Variants in MYH14 observed in about 807,000 individuals in gnomAD.
The protein encoded by MYH14 is myosin heavy chain 14, also known as myosin-14.
A neutral mutation model predicts 255.5 loss-of-function variants in MYH14; 123 were observed. That is an observed-to-expected ratio of 0.48 (90% CI 0.42 to 0.56). MYH14 has a LOEUF of 0.56. MYH14 is among the 20% of genes least tolerant of loss of function. The pLI, the probability that MYH14 is intolerant of heterozygous loss-of-function variation, is 0.00. For synonymous variants in MYH14, 1,095 were observed against 1,161.2 expected, an observed-to-expected ratio of 0.94 and a Z score of 1.16; for missense variants, 2,423 against 2,802.3, an observed-to-expected ratio of 0.86 and a Z score of 3.06.
Position 50,226,894 on chromosome 19 carries a change from C to T in MYH14, c.811-9C>T. On this transcript the variant is annotated splice_polypyrimidine_tract_variant and intron_variant, in intron 7 of 42. Coordinates refer to ENST00000642316, the MANE Select transcript of MYH14 (RefSeq NM_001145809.2). ...TCTGCTGAAGCCCACCCACTTTGGT[C>T]TCTCCCAGGGCAAATTCATCCGCAT... 6.2e-7 allele frequency: 1 copy of T among 1,613,682 alleles called. No individual in the cohort carries two copies. The highest frequency in any genetic ancestry group is 1.1e-5 in the South Asian group (1 of 91,078).
At chr19:50,238,563 C>T (rs1397733686) in intron 10 of MYH14, among the ~76,000 whole-genome samples, 1 of 151,974 alleles carries the variant, frequency 6.6e-6, no homozygotes, top group Non-Finnish European at 1.5e-5. Context: ...GCAATTCTCC[C>T]ATTTCAGCCT....
intron 39 of MYH14, among the ~76,000 whole-genome samples, chr19:50,298,285 G>A (rs2036350339): frequency 6.6e-6 from 1 of 152,120 alleles, no homozygotes; most frequent in African/African-American, 2.4e-5. Flanking sequence ...TTGTGCAGGT[G>A]AAAGAGGGGG....
chr19:50,242,072 G>C (rs1354730765), intron 10 of MYH14, among the ~76,000 whole-genome samples: 4 of 152,134 alleles, frequency 2.6e-5, no homozygotes, highest in African/African-American at 9.7e-5. Context: ...AAATGTCCAG[G>C]GGGCCATTTT....
At chr19:50,204,621 G>A (rs566820279) in intron 1 of MYH14, among the ~76,000 whole-genome samples, 8 of 152,204 alleles carry the variant, frequency 5.3e-5, no homozygotes, top group Non-Finnish European at 1.2e-4. Flanking sequence ...TAGGCCGGGC[G>A]CAGTGGCTCA....
intron 10 of MYH14, among the ~76,000 whole-genome samples, chr19:50,241,456 C>CATCAGATG (rs1439644255): frequency 1.3e-5 from 2 of 151,884 alleles, no homozygotes; most frequent in Admixed American, 6.6e-5. Flanking sequence ...AAAGAAAAAG[C>CATCAGATG]ATCAGATGCA....
chr19:50,212,688 T>G (rs1329867604), intron 2 of MYH14, among the ~76,000 whole-genome samples: 1 of 152,198 alleles, frequency 6.6e-6, no homozygotes, highest in African/African-American at 2.4e-5. Flanking sequence ...CCACTCCTAC[T>G]TGGAGATCGA....
intron 2 of MYH14, among the ~76,000 whole-genome samples, chr19:50,216,472 C>T (rs964060758): frequency 6.6e-6 from 1 of 152,024 alleles, no homozygotes; most frequent in African/African-American, 2.4e-5. Context: ...AGTGGATTGA[C>T]ACACACTTGT....
intron 6 of MYH14, chr19:50,224,892 G>A (rs2033017933): frequency 2.2e-6 from 1 of 455,586 alleles, no homozygotes; most frequent in African/African-American, 2.0e-5. Context: ...ATTGCTTGAG[G>A]CCAGGAGTTC....
At chr19:50,257,607 C>A (rs2034641492) in intron 18 of MYH14, 121 bp downstream of exon 18, 2 of 989,592 alleles carry the variant, frequency 2.0e-6, no homozygotes, top group Non-Finnish European at 3.1e-6. Context: ...TGGCTTTGAG[C>A]AAATTGCTTC....
intron 5 of MYH14, 90 bp from the exon 6 acceptor site, chr19:50,224,064 A>ACCCCCCCCCC: frequency 4.8e-6 from 2 of 419,910 alleles, no homozygotes; most frequent in Non-Finnish European, 7.3e-6. Context: ...CCCCCATGCC[A>ACCCCCCCCCC]CCACCTGAGA....
chr19:50,246,300 C>T (rs79251604), intron 11 of MYH14, among the ~76,000 whole-genome samples: 1,544 of 152,026 alleles, frequency 0.01, 30 homozygotes, highest in African/African-American at 0.034. Flanking sequence ...ACCACCATGT[C>T]GGGCTAATTT....
chr19:50,281,990 C>G, intron 33 of MYH14, 148 bp downstream of exon 33: 1 of 841,152 alleles, frequency 1.2e-6, no homozygotes, highest in Non-Finnish European at 1.8e-6. Flanking sequence ...TTGCTCTGGG[C>G]CTCTGTAAAA....
In MYH14 at chr19:50,210,526, G is replaced by A. The variant is rs1005939347; in HGVS notation, c.161G>A (p.Arg54His). Residue 54 changes from arginine to histidine, a missense_variant, in exon 2 of 43, where the codon CGT becomes CAT. Around this residue, in one of 3 missense-constraint regions of MYH14, gnomAD observed 238 missense variants for 245.8 expected, o/e 0.97. Coordinates refer to ENST00000642316, the MANE Select transcript of MYH14 (RefSeq NM_001145809.2). ...CCGCAGGTGGAGTGGACGGCCCGGCGTCTCGTGTGGGTGCCTTCGGAGCTT... is the reference window on the plus strand; with the variant it reads ...CCGCAGGTGGAGTGGACGGCCCGGCATCTCGTGTGGGTGCCTTCGGAGCTT... The part of the protein sequence containing the change: ...TSPQVEWTAR[R>H]LVWVPSELHG... The A allele has an allele frequency of 1.9e-6, 3 of 1,576,230 alleles. No homozygotes were observed. The highest frequency in any genetic ancestry group is 2.4e-5 in the East Asian group (1 of 42,450).
Position 50,310,138 on chromosome 19 carries a change from C to T in MYH14, c.*348C>T. The T allele has an allele frequency of 2.8e-6, 1 of 357,176 alleles. No individual in the cohort carries two copies. The highest frequency in any genetic ancestry group is 5.1e-6 in the Non-Finnish European group (1 of 195,336). The allele number at this position is 357,176 out of a possible 1,614,324, so 22.1% of individuals were successfully genotyped here. ...GGAAGGGAGTGAGACGGCTCCTCCACCATCCTCAGCCAGTGCAACCCATTC... is the reference window on the plus strand; with the variant it reads ...GGAAGGGAGTGAGACGGCTCCTCCATCATCCTCAGCCAGTGCAACCCATTC... On this transcript the variant is annotated 3_prime_UTR_variant, in exon 43 of 43. Transcript: ENST00000642316.
intron 36 of MYH14, 51 bp from the exon 37 acceptor site, chr19:50,292,210 C>T: frequency 1.3e-6 from 2 of 1,534,090 alleles, no homozygotes; most frequent in African/African-American, 1.4e-5. Flanking sequence ...GGAGGAGTTC[C>T]CTGTGCTGTG....
intron 10 of MYH14, among the ~76,000 whole-genome samples, chr19:50,237,331 T>TTG (rs1568486030): frequency 6.6e-6 from 1 of 151,642 alleles, no homozygotes; most frequent in African/African-American, 2.4e-5. Context: ...GTGAACATTT[T>TTG]TTTTTTTTTT....
intron 10 of MYH14, among the ~76,000 whole-genome samples, chr19:50,241,407 C>CACTCCACTTG (rs1396915040): frequency 2.1e-4 from 32 of 151,992 alleles, no homozygotes; most frequent in African/African-American, 7.2e-4. Context: ...TGCACTCCAG[C>CACTCCACTTG]CTGATGACAC....
At position 50,220,762 on chromosome 19, in the gene MYH14, G is replaced by A. The variant is rs140761077; in HGVS notation, c.563-2321G>A. On this transcript the variant is annotated intron_variant, in intron 3 of 42. Transcript: ENST00000642316. The stretch of plus-strand genomic sequence containing the variant: ...GAGACCAGGTTTCACCATGTTGGCC[G>A]GGCTGGTCTCGAACTCCTGACCTCA... Among the ~76,000 whole-genome samples, 163 of 151,886 alleles carry A rather than the reference G, an allele frequency of 1.1e-3. 3 individuals are homozygous for A. In the East Asian group the frequency reaches 0.017, roughly 16 times the overall value.
chr19:50,222,567 G>T (rs559565389), intron 3 of MYH14, among the ~76,000 whole-genome samples: 1 of 151,696 alleles, frequency 6.6e-6, no homozygotes, highest in East Asian at 1.9e-4. Flanking sequence ...TTGATTGTAG[G>T]TTTCTGTCCC....
Sources: gnomAD v4.1 joint callset for allele counts (sites outside exome capture counted in the v4.1 genomes callset) on GRCh38, gnomAD v4.1.1 for gene constraint, gnomAD v4.1.1 regional missense constraint, MANE v1.5 for transcripts, NCBI Gene and HGNC (gene_info 2026-07-23, HGNC 2026-07-21) for gene names.